ICE1: variants seen among roughly 807,000 people sequenced by gnomAD.
ICE1 encodes interactor of little elongation complex ELL subunit 1.
ICE1 carries 64 observed loss-of-function variants against 192.7 expected under a neutral mutation model. The ratio of observed to expected loss-of-function variants is 0.33; its 90% CI spans 0.27 to 0.41. ICE1 has a LOEUF of 0.41. ICE1 is among the 10% of genes least tolerant of loss of function. The probability of loss-of-function intolerance (pLI) is 1.00; values close to 1 mark genes in which losing one functional copy is unlikely to be tolerated. For missense variants in ICE1, 2,708 were observed against 2,696.0 expected (o/e 1.00, Z -0.10); for synonymous variants, 1,010 against 984.5 (o/e 1.03, Z -0.49).
At chr5:5,453,803 C>G (rs1349629105) in intron 10 of ICE1, among the ~76,000 whole-genome samples, 1 of 152,172 alleles carries the variant, frequency 6.6e-6, no homozygotes, top group Non-Finnish European at 1.5e-5. Flanking sequence ...ACATTTATTT[C>G]ATTAGGGCTG....
At chr5:5,484,375 A>G (rs777100838) in intron 17 of ICE1, among the ~76,000 whole-genome samples, 2 of 152,216 alleles carry the variant, frequency 1.3e-5, no homozygotes, top group African/African-American at 2.4e-5. Context: ...GAGTAATACC[A>G]TAGCTGTGCT....
At chr5:5,448,670 C>T (rs114130857) in intron 10 of ICE1, among the ~76,000 whole-genome samples, 2,191 of 152,082 alleles carry the variant, frequency 0.014, 51 homozygotes, top group African/African-American at 0.049. Context: ...TTTTTTTCTC[C>T]AAGTGGAAAT....
At chr5:5,440,588 C>A (rs1410342710) in intron 4 of ICE1, among the ~76,000 whole-genome samples, 1 of 151,914 alleles carries the variant, frequency 6.6e-6, no homozygotes. Flanking sequence ...CTTTGGGAGG[C>A]CAAATTATAA....
In ICE1 at chr5:5,464,393, G is replaced by C. The variant is rs1410731999; in HGVS notation, c.5059G>C (p.Asp1687His). The change falls in exon 13 of 19, where the codon GAC (aspartate) becomes CAC (histidine). Residue 1687 changes from aspartate (D) to histidine (H), a missense_variant. Physicochemically the swap from Asp to His is moderately conservative, Grantham distance 81. Transcript: ENST00000296564. This position sits in a 1 kb window ranked among gnomAD's most constrained non-coding sequence, Gnocchi z 4.0. ...VPPAMSPWPE[D>H]PRRASPPDPS... Reference sequence around the variant, plus strand: ...TCCTGCCATGTCTCCATGGCCAGAGGACCCCAGACGTGCCTCTCCTCCAGA... The same window carrying C: ...TCCTGCCATGTCTCCATGGCCAGAGCACCCCAGACGTGCCTCTCCTCCAGA... 3.1e-6 allele frequency: 5 copies of C among 1,613,660 alleles called. No homozygotes were observed. Among genetic ancestry groups the C allele is most frequent in the African/African-American group, 1.3e-5 (1 of 74,864 alleles).
At chr5:5,479,181 T>C (rs1485994673) in intron 17 of ICE1, among the ~76,000 whole-genome samples, 1 of 151,978 alleles carries the variant, frequency 6.6e-6, no homozygotes, top group African/African-American at 2.4e-5. Context: ...ATGGGAGAAA[T>C]TTTTTGCAAT....
intron 12 of ICE1, among the ~76,000 whole-genome samples, chr5:5,457,997 A>G (rs960987617): frequency 2.9e-4 from 44 of 152,180 alleles, no homozygotes; most frequent in African/African-American, 5.5e-4. Context: ...CAAGTTTTCT[A>G]TAGGAAGGCT....
chr5:5,485,363 A>T (rs918444489), intron 17 of ICE1, among the ~76,000 whole-genome samples: 1 of 152,176 alleles, frequency 6.6e-6, no homozygotes, highest in Non-Finnish European at 1.5e-5. Context: ...GTCTGGTTTG[A>T]TATCAGATGG....
rs975032068 is a variant in ICE1, at chr5:5,463,745, C to T, written c.4411C>T (p.Pro1471Ser). 1 of 1,613,888 alleles carries T rather than the reference C, an allele frequency of 6.2e-7. No homozygotes were observed. Among genetic ancestry groups the T allele is most frequent in the African/African-American group, 1.3e-5 (1 of 75,018 alleles). Residue 1471 changes from proline (P) to serine (S), a missense_variant, in exon 13 of 19, where the codon CCA becomes TCA. Transcript: ENST00000296564. ...CCCAGTGACTTCTGCTGAGAAGTCCCCAGAGGCCAGTCACACTGGCCCTGC... is the reference window on the plus strand; with the variant it reads ...CCCAGTGACTTCTGCTGAGAAGTCCTCAGAGGCCAGTCACACTGGCCCTGC... ...CIPVTSAEKS[P>S]EASHTGPAFQ...
In ICE1 at chr5:5,457,667, C is replaced by T; in HGVS notation, c.1027C>T (p.Leu343Phe). The change falls in exon 12 of 19, where the codon CTT (leucine) becomes TTT (phenylalanine). Residue 343 changes from leucine (L) to phenylalanine (F), a missense_variant. Leu to Phe is a conservative substitution (Grantham distance 22, BLOSUM62 0). Coordinates refer to ENST00000296564, the MANE Select transcript of ICE1 (RefSeq NM_015325.3). ...TGACTTCTTCAAACTTCCCCCTCCT[C>T]TTCTGTCACCAGTGCCCTCGCCCCC... ...AIDFFKLPPP[L>F]LSPVPSPPPM... 6.2e-7 allele frequency: 1 copy of T among 1,613,972 alleles called. No individual in the cohort carries two copies. Among genetic ancestry groups the T allele is most frequent in the Middle Eastern group, 1.6e-4 (1 of 6,062 alleles).
At chr5:5,427,560 G>T (rs1158687069) in intron 1 of ICE1, among the ~76,000 whole-genome samples, 1 of 152,182 alleles carries the variant, frequency 6.6e-6, no homozygotes. Flanking sequence ...TGAGTTTGAT[G>T]TATGGTTGTC....
intron 3 of ICE1, among the ~76,000 whole-genome samples, chr5:5,438,030 A>G (rs1407421193): frequency 2.0e-5 from 3 of 152,238 alleles, no homozygotes; most frequent in Non-Finnish European, 4.4e-5. Flanking sequence ...ACTACCCGAG[A>G]CTGGGTAATG....
intron 1 of ICE1, among the ~76,000 whole-genome samples, chr5:5,433,252 A>G (rs543899725): frequency 2.0e-5 from 3 of 152,102 alleles, no homozygotes; most frequent in Non-Finnish European, 4.4e-5. Flanking sequence ...TTTCTGCTGG[A>G]TGGGGGAGGA....
At chr5:5,429,661 A>G (rs1263772940) in intron 1 of ICE1, among the ~76,000 whole-genome samples, 1 of 152,192 alleles carries the variant, frequency 6.6e-6, no homozygotes, top group African/African-American at 2.4e-5. Context: ...CTACCTTAGC[A>G]TAACCATTTT....
intron 1 of ICE1, 63 bp downstream of exon 1, chr5:5,423,062 G>C: frequency 8.7e-7 from 1 of 1,155,592 alleles, no homozygotes; most frequent in South Asian, 2.6e-5. Flanking sequence ...CGGGAGCGCA[G>C]GGATGTGGGG....
At chr5:5,465,843 A>G (rs1272277998) in intron 13 of ICE1, among the ~76,000 whole-genome samples, 2 of 152,188 alleles carry the variant, frequency 1.3e-5, no homozygotes, top group Non-Finnish European at 2.9e-5. Context: ...GTCACTTTGA[A>G]AGGAAGTGAA....
chr5:5,427,635 T>G (rs1298374351), intron 1 of ICE1, among the ~76,000 whole-genome samples: 2 of 152,220 alleles, frequency 1.3e-5, no homozygotes, highest in African/African-American at 2.4e-5. Flanking sequence ...CGCTAGTGAT[T>G]TAAGTGTCAT....
At chr5:5,486,076 A>G (rs1739631181) in intron 17 of ICE1, among the ~76,000 whole-genome samples, 1 of 152,220 alleles carries the variant, frequency 6.6e-6, no homozygotes, top group South Asian at 2.1e-4. Context: ...TACTCAGTGT[A>G]TGGGGGAGTG....
intron 17 of ICE1, among the ~76,000 whole-genome samples, chr5:5,485,237 A>G (rs941287567): frequency 6.6e-6 from 1 of 152,166 alleles, no homozygotes; most frequent in Non-Finnish European, 1.5e-5. Context: ...TTAGTTATTC[A>G]TTTAAAATGA....
chr5:5,447,622 A>G, intron 8 of ICE1, 99 bp from the exon 9 acceptor site: 1 of 1,375,828 alleles, frequency 7.3e-7, no homozygotes, highest in Non-Finnish European at 1.0e-6. Context: ...TGGCAAAAAC[A>G]GTCCCAGCTG....
Sources: allele counts gnomAD v4.1 joint callset (sites outside exome capture counted in the v4.1 genomes callset), GRCh38; gene constraint gnomAD v4.1.1; non-coding constraint Gnocchi (gnomAD v3.1); transcripts MANE v1.5; gene names NCBI Gene and HGNC (gene_info 2026-07-23, HGNC 2026-07-21).